The following CNOT3 variants were observed in gnomAD, a reference collection of about 807,000 sequenced individuals.
The protein encoded by CNOT3 is CCR4-NOT transcription complex subunit 3, also known as CCR4-associated factor 3.
A neutral mutation model predicts 89.4 loss-of-function variants in CNOT3; 2 were observed. The ratio of observed to expected loss-of-function variants is 0.02; its 90% confidence interval spans 0.01 to 0.07. The LOEUF is 0.07. Ranked by LOEUF, CNOT3 falls within the 10% of genes least tolerant of loss-of-function variation. The pLI is 1.00. For missense variants in CNOT3, 664 were observed against 1,010.2 expected, an observed-to-expected ratio of 0.66 and a Z score of 4.65; for synonymous variants, 486 against 402.0, an observed-to-expected ratio of 1.21 and a Z score of -2.50.
intron 17 of CNOT3, 21 bp downstream of exon 17, chr19:54,153,861 C>G: frequency 1.2e-6 from 2 of 1,614,084 alleles, no homozygotes; most frequent in Middle Eastern, 1.6e-4. Flanking sequence ...CGCCCCCTCT[C>G]TTCCCGCTGC....
At chr19:54,151,368 T>C (rs2075093935) in intron 13 of CNOT3, among the ~76,000 whole-genome samples, 1 of 151,856 alleles carries the variant, frequency 6.6e-6, no homozygotes, top group African/African-American at 2.4e-5. Context: ...GTGTGGGACA[T>C]GGTGGCACGA....
At chr19:54,153,599 C>T in intron 16 of CNOT3, 116 bp from the exon 17 acceptor site, 1 of 815,926 alleles carries the variant, frequency 1.2e-6, no homozygotes, top group South Asian at 1.3e-5. Flanking sequence ...ATTGTCCAGC[C>T]CAACTGTGGT....
At chr19:54,154,042 C>T in intron 17 of CNOT3, 1 of 745,910 alleles carries the variant, frequency 1.3e-6, no homozygotes, top group Non-Finnish European at 2.4e-6. Context: ...AGCTCCTAGG[C>T]CTCCTGTAGG....
At position 54,148,519 on chromosome 19, in the gene CNOT3, G is replaced by A. The variant is rs1257307760; in HGVS notation, c.1266G>A (p.Lys422=). 2 of 1,558,274 alleles carry A rather than the reference G, an allele frequency of 1.3e-6. No homozygotes were observed. Among genetic ancestry groups the A allele is most frequent in the East Asian group, 2.3e-5 (1 of 43,078 alleles). ...GCAGTGCCGGTGGAGGGGCTGGCAA[G>A]CAGAATGGCGCCACCAGTGAGTGAG... is the stretch of plus-strand genomic sequence containing the variant. ...SNSSAGGGAG[K]QNGATSYSSV... is the part of the protein sequence containing the mutation. The change falls in exon 11 of 18, where the codon AAG becomes AAA. Residue 422 remains lysine, a synonymous_variant. Transcript: ENST00000221232. The surrounding 1 kb of genome is among the most constrained non-coding windows in gnomAD (Gnocchi z 6.3).
In CNOT3 at chr19:54,145,905, C is replaced by G. The variant is rs1388870979; in HGVS notation, c.704-5C>G. ...GCTAAGCATGCCCTTCTTCTGCCCC[C>G]ACAGCACAGGCGCTGGTCGCCACCT... On this transcript the variant is annotated splice_polypyrimidine_tract_variant and splice_region_variant and intron_variant, in intron 8 of 17. Coordinates refer to ENST00000221232, the MANE Select transcript of CNOT3 (RefSeq NM_014516.4). This position sits in a 1 kb window ranked among gnomAD's most constrained non-coding sequence, Gnocchi z 5.9. The G allele has an allele frequency of 3.1e-6, 5 of 1,613,272 alleles. No individual in the cohort carries two copies. The highest frequency in any genetic ancestry group is 1.3e-5 in the African/African-American group (1 of 74,914).
intron 1 of CNOT3, among the ~76,000 whole-genome samples, chr19:54,140,891 G>A (rs2074422748): frequency 6.6e-6 from 1 of 152,214 alleles, no homozygotes; most frequent in African/African-American, 2.4e-5. Context: ...TGGAGACACA[G>A]GGAGGGCGTC....
intron 10 of CNOT3, among the ~76,000 whole-genome samples, chr19:54,147,270 G>A (rs1416308433): frequency 6.6e-6 from 1 of 152,268 alleles, no homozygotes; most frequent in Non-Finnish European, 1.5e-5. Context: ...GGCAGGAGCA[G>A]CATGGGCCTG....
In CNOT3 at chr19:54,142,933, C is replaced by A. The variant is rs758668681; in HGVS notation, c.-46C>A. ...CTCTCCAATCTCTCCTAGCAGCGTC[C>A]GTCTCCAAGAGAGTATGAAGAGAGT... is the stretch of plus-strand genomic sequence containing the variant. On this transcript the variant is annotated 5_prime_UTR_variant, in exon 2 of 18. Transcript: ENST00000221232. 4 of 1,601,148 alleles carry A rather than the reference C, an allele frequency of 2.5e-6. No individual in the cohort carries two copies. The South Asian group carries it at 3.3e-5, about 13-fold the overall frequency.
Position 54,152,422 on chromosome 19 carries a change from C to T in CNOT3, c.1706-6C>T. 6.2e-7 allele frequency: 1 copy of T among 1,614,080 alleles called. No homozygotes were observed. Among genetic ancestry groups the T allele is most frequent in the Non-Finnish European group, 8.5e-7 (1 of 1,179,934 alleles). ...TGAGGGGGCCGGACCCCCACCCTCC[C>T]CACAGACATCATCCTGAGCAGTACA... is the stretch of plus-strand genomic sequence containing the variant. On this transcript the variant is annotated splice_region_variant and splice_polypyrimidine_tract_variant and intron_variant, in intron 14 of 17. Coordinates refer to ENST00000221232, the MANE Select transcript of CNOT3 (RefSeq NM_014516.4).
At chr19:54,149,482 C>T in intron 12 of CNOT3, 78 bp from the exon 13 acceptor site, 1 of 870,694 alleles carries the variant, frequency 1.1e-6, no homozygotes, top group Admixed American at 2.8e-5. Context: ...AGTCTCCCCT[C>T]TCTCCAGCCA....
Position 54,143,460 on chromosome 19 carries a change from G to T in CNOT3, c.112G>T (p.Ala38Ser), listed in dbSNP as rs749260854. 1 of 1,613,956 alleles carries T rather than the reference G, an allele frequency of 6.2e-7. No individual in the cohort carries two copies. The highest frequency in any genetic ancestry group is 8.5e-7 in the Non-Finnish European group (1 of 1,179,982). Residue 38 changes from alanine to serine, a missense_variant, in exon 4 of 18, where the codon GCG becomes TCG. Coordinates refer to ENST00000221232, the MANE Select transcript of CNOT3 (RefSeq NM_014516.4). Reference sequence around the variant, plus strand: ...CCCTCAGCTCCACAATGCAGCCAACGCGAACCAGAAAGAAAAGTATGAGGC... The same window carrying T: ...CCCTCAGCTCCACAATGCAGCCAACTCGAACCAGAAAGAAAAGTATGAGGC... Reference protein sequence around the residue: ...IWQKLHNAANANQKEKYEADL... With the variant: ...IWQKLHNAANSNQKEKYEADL...
chr19:54,154,041 G>T, intron 17 of CNOT3: 1 of 746,058 alleles, frequency 1.3e-6, no homozygotes, highest in Non-Finnish European at 2.4e-6. Context: ...CAGCTCCTAG[G>T]CCTCCTGTAG....
intron 12 of CNOT3, among the ~76,000 whole-genome samples, chr19:54,149,046 C>G (rs1345276556): frequency 3.3e-5 from 5 of 152,226 alleles, no homozygotes. Flanking sequence ...GGCCAATTGA[C>G]TGCCACCGGA....
At chr19:54,146,165 C>A in intron 9 of CNOT3, 122 bp downstream of exon 9, 1 of 1,076,872 alleles carries the variant, frequency 9.3e-7, no homozygotes, top group East Asian at 2.5e-5. Flanking sequence ...TCTAGGTATC[C>A]AGGGTCTAGG....
At chr19:54,139,319 T>C (rs2074354458) in intron 1 of CNOT3, among the ~76,000 whole-genome samples, 1 of 152,154 alleles carries the variant, frequency 6.6e-6, no homozygotes, top group Non-Finnish European at 1.5e-5. Flanking sequence ...GCCCTTGATA[T>C]TTGCATCAGA....
intron 3 of CNOT3, 115 bp from the exon 4 acceptor site, chr19:54,143,327 A>C: frequency 5.8e-6 from 4 of 695,454 alleles, no homozygotes; most frequent in Non-Finnish European, 9.8e-6. Flanking sequence ...TCTAAGATGG[A>C]TTGGGGGTAG....
At position 54,148,454 on chromosome 19, in the gene CNOT3, G is replaced by C. The variant is rs587707561; in HGVS notation, c.1201G>C (p.Gly401Arg). The change falls in exon 11 of 18, where the codon GGC becomes CGC. Residue 401 changes from glycine to arginine, a missense_variant. Coordinates refer to ENST00000221232, the MANE Select transcript of CNOT3 (RefSeq NM_014516.4). The surrounding 1 kb of genome is among the most constrained non-coding windows in gnomAD (Gnocchi z 6.3). Reference sequence around the variant, plus strand: ...CGTCCAGCCTAGCGGAGGCGGAGGCGGCGGCAGCGGAGGCGGAGGGAGCAG... The same window carrying C: ...CGTCCAGCCTAGCGGAGGCGGAGGCCGCGGCAGCGGAGGCGGAGGGAGCAG... Reference protein sequence around the residue: ...PSVQPSGGGGGGSGGGGSSSS... With the variant: ...PSVQPSGGGGRGSGGGGSSSS... 7 of 1,565,834 alleles carry C rather than the reference G, an allele frequency of 4.5e-6. No individual in the cohort carries two copies. Among genetic ancestry groups the C allele is most frequent in the Non-Finnish European group, 6.1e-6 (7 of 1,153,614 alleles).
chr19:54,149,523 C>T (rs1175568420), intron 12 of CNOT3, 37 bp from the exon 13 acceptor site: 2 of 1,401,582 alleles, frequency 1.4e-6, no homozygotes, highest in Non-Finnish European at 9.7e-7. Context: ...CCTCAGGGAC[C>T]CTCCTCTCAA....
At chr19:54,151,689 C>T (rs887957886) in intron 13 of CNOT3, among the ~76,000 whole-genome samples, 3 of 152,166 alleles carry the variant, frequency 2.0e-5, no homozygotes, top group Non-Finnish European at 4.4e-5. Context: ...GAGGCTGTGG[C>T]TGCGGGGCTG....
Sources: gnomAD v4.1 joint callset for allele counts (sites outside exome capture counted in the v4.1 genomes callset) on GRCh38, gnomAD v4.1.1 for gene constraint, Gnocchi (gnomAD v3.1) non-coding constraint, MANE v1.5 for transcripts, NCBI Gene and HGNC (gene_info 2026-07-23, HGNC 2026-07-21) for gene names.